KDM4B: variants seen among roughly 807,000 people sequenced by gnomAD.
KDM4B encodes the protein lysine demethylase 4B.
KDM4B carries 32 observed loss-of-function variants against 125.2 expected under a neutral mutation model. The ratio of observed to expected loss-of-function variants is 0.26; its 90% confidence interval spans 0.19 to 0.34. KDM4B has a LOEUF of 0.34. KDM4B is among the 10% of genes least tolerant of loss of function. KDM4B has a pLI of 1.00. For missense variants in KDM4B, 1,190 were observed against 1,577.7 expected, an observed-to-expected ratio of 0.75 and a Z score of 4.16; for synonymous variants, 721 against 677.9, an observed-to-expected ratio of 1.06 and a Z score of -0.99.
At chr19:5,067,256 C>T (rs374065538) in intron 6 of KDM4B, among the ~76,000 whole-genome samples, 4 of 152,196 alleles carry the variant, frequency 2.6e-5, no homozygotes, top group African/African-American at 9.7e-5. Flanking sequence ...ATTTCTGACT[C>T]TGCCCTCTGA....
chr19:5,150,532 C>A, intron 22 of KDM4B, 82 bp downstream of exon 22: 1 of 1,016,338 alleles, frequency 9.8e-7, no homozygotes. Flanking sequence ...ACTGCGTCTT[C>A]CAATGGCGTG....
chr19:5,121,460 C>T (rs1445037993), intron 11 of KDM4B, among the ~76,000 whole-genome samples: 1 of 152,166 alleles, frequency 6.6e-6, no homozygotes, highest in Non-Finnish European at 1.5e-5. Flanking sequence ...AGCAAGTCTA[C>T]AGGCAGCCGC....
At chr19:5,028,898 G>C (rs2145598957) in intron 2 of KDM4B, among the ~76,000 whole-genome samples, 1 of 152,214 alleles carries the variant, frequency 6.6e-6, no homozygotes, top group East Asian at 1.9e-4. Flanking sequence ...CCAAGTCCTT[G>C]GCCTGTTTTT....
intron 6 of KDM4B, among the ~76,000 whole-genome samples, chr19:5,062,683 C>T (rs933080457): frequency 6.6e-6 from 1 of 151,742 alleles, no homozygotes; most frequent in Non-Finnish European, 1.5e-5. Flanking sequence ...AAAAATTCTG[C>T]CACCTTGCTG....
chr19:5,106,119 C>T (rs1176861809), intron 9 of KDM4B, among the ~76,000 whole-genome samples: 2 of 152,202 alleles, frequency 1.3e-5, no homozygotes, highest in African/African-American at 4.8e-5. Context: ...CTTCAGGTAA[C>T]AGACACATCC....
At chr19:5,111,850 A>G in intron 10 of KDM4B, 1 of 764,536 alleles carries the variant, frequency 1.3e-6, no homozygotes, top group Middle Eastern at 2.3e-4. Flanking sequence ...ACAGCGAAGA[A>G]ATGCGCGTGG....
intron 7 of KDM4B, among the ~76,000 whole-genome samples, chr19:5,071,400 C>G (rs892007117): frequency 9.8e-5 from 15 of 152,370 alleles, no homozygotes; most frequent in African/African-American, 3.6e-4. Context: ...CTCCCATCAC[C>G]TGACCCCACA....
chr19:5,013,465 A>G (rs972731587), intron 1 of KDM4B, among the ~76,000 whole-genome samples: 15 of 152,286 alleles, frequency 9.8e-5, no homozygotes, highest in South Asian at 4.1e-4. Flanking sequence ...ATTCTCTCCC[A>G]TGCCTGGAGG....
At position 5,088,612 on chromosome 19, in the gene KDM4B, G is replaced by T. The variant is rs142299197; in HGVS notation, c.918+6108G>T. Among the ~76,000 whole-genome samples, 224 of 151,876 alleles carry T rather than the reference G, an allele frequency of 1.5e-3. 6 individuals carry two copies. The East Asian group carries it at 0.04, about 27-fold the overall frequency. On this transcript the variant is annotated intron_variant, in intron 9 of 22. Coordinates refer to ENST00000159111, the MANE Select transcript of KDM4B (RefSeq NM_015015.3). ...GGGCCAGGGCTGAGCAGAGACCACC[G>T]GAGTCCCTGAGGGGGCCCCTGAGGC...
In KDM4B at chr19:5,082,800, C is replaced by T. The variant is rs752090837; in HGVS notation, c.918+296C>T. Among the ~76,000 whole-genome samples, 28 of 152,324 alleles carry T rather than the reference C, an allele frequency of 1.8e-4. No individual in the cohort carries two copies. The highest frequency in any genetic ancestry group is 1.0e-3 in the South Asian group (5 of 4,832). On this transcript the variant is annotated intron_variant, in intron 9 of 22. Coordinates refer to ENST00000159111, the MANE Select transcript of KDM4B (RefSeq NM_015015.3). This position sits in a 1 kb window ranked among gnomAD's most constrained non-coding sequence, Gnocchi z 5.4. ...CCTGCGTGGGCCTCCTGGGCATGGC[C>T]GGCTGCTCGGGTCTAGGGGTTGGGG...
At chr19:4,989,423 C>T (rs191601606) in intron 1 of KDM4B, among the ~76,000 whole-genome samples, 56 of 151,156 alleles carry the variant, frequency 3.7e-4, no homozygotes, top group African/African-American at 9.5e-4. Context: ...CTGTAACCTC[C>T]GTCTCCCAGG....
chr19:5,135,094 C>T (rs1599254517), intron 14 of KDM4B, among the ~76,000 whole-genome samples: 1 of 152,256 alleles, frequency 6.6e-6, no homozygotes, highest in East Asian at 1.9e-4. Context: ...AGCTCTGTGT[C>T]TGGATGCAAC....
intron 15 of KDM4B, 151 bp from the exon 16 acceptor site, chr19:5,137,111 C>T (rs12972454): frequency 0.015 from 9,691 of 627,160 alleles, 111 homozygotes; most frequent in Middle Eastern, 0.025. Context: ...GAACAGCACG[C>T]ACCCTGAATG....
Position 5,069,640 on chromosome 19 carries a change from GTC to G in KDM4B, c.627-1367_627-1366del, listed in dbSNP as rs558249075. Among the ~76,000 whole-genome samples the G allele has an allele frequency of 5.7e-3, 863 of 151,992 alleles. 7 individuals are homozygous for G. Among genetic ancestry groups the G allele is most frequent in the African/African-American group, 0.02 (816 of 41,408 alleles). On this transcript the variant is annotated intron_variant, in intron 6 of 22. Transcript: ENST00000159111. ...GTTTGTTTGTTTGTTTTGAGACAGA[GTC>G]TCACTCTCTCGCCCAGGCTGGAGTG... is the stretch of plus-strand genomic sequence containing the variant.
intron 6 of KDM4B, among the ~76,000 whole-genome samples, chr19:5,064,184 G>A (rs958200514): frequency 3.3e-5 from 5 of 152,198 alleles, no homozygotes; most frequent in Non-Finnish European, 7.3e-5. Context: ...TGGATCTGCC[G>A]TGGCCCTCCT....
At position 4,974,974 on chromosome 19, in the gene KDM4B, C is replaced by G. The variant is rs970703517; in HGVS notation, c.-109+5744C>G. On this transcript the variant is annotated intron_variant, in intron 1 of 22. Transcript: ENST00000159111. ...GGCACAGCCGCCTTCCCTGCCCGCC[C>G]TTCCCTGCCGCAGGACCTGTGCACT... is the stretch of plus-strand genomic sequence containing the variant. 2.0e-5 allele frequency among the ~76,000 whole-genome samples: 3 copies of G among 152,220 alleles called. No individual in the cohort carries two copies. In the East Asian group the frequency reaches 5.8e-4, roughly 30 times the overall value.
chr19:5,027,544 GT>G (rs565728081), intron 2 of KDM4B, among the ~76,000 whole-genome samples: 167 of 134,610 alleles, frequency 1.2e-3, no homozygotes, highest in Middle Eastern at 7.4e-3. Flanking sequence ...TCTCTTTTCA[GT>G]TTTTTTTTTT....
chr19:5,045,851 C>G (rs1347940964), intron 5 of KDM4B, among the ~76,000 whole-genome samples: 2 of 152,184 alleles, frequency 1.3e-5, no homozygotes, highest in African/African-American at 4.8e-5. Flanking sequence ...CTCAGGTGAT[C>G]CACCTGCCTT....
At chr19:5,041,700 G>C (rs2036823822) in intron 5 of KDM4B, among the ~76,000 whole-genome samples, 1 of 152,260 alleles carries the variant, frequency 6.6e-6, no homozygotes, top group African/African-American at 2.4e-5. Context: ...AGCCTGGTCT[G>C]CTGGAGCGTC....
Sources: allele counts gnomAD v4.1 joint callset (sites outside exome capture counted in the v4.1 genomes callset), GRCh38; gene constraint gnomAD v4.1.1; non-coding constraint Gnocchi (gnomAD v3.1); transcripts MANE v1.5; gene names NCBI Gene and HGNC (gene_info 2026-07-23, HGNC 2026-07-21).